Variants in SLC24A2 observed in about 807,000 individuals in gnomAD.
The protein encoded by SLC24A2 is sodium/potassium/calcium exchanger 2.
SLC24A2 carries 36 observed loss-of-function variants against 62.0 expected under a neutral mutation model. That is an observed-to-expected ratio of 0.58 (90% confidence interval 0.44 to 0.77). The LOEUF (loss-of-function observed/expected upper bound fraction) is 0.77, where lower values mean the gene tolerates loss of function less well. Ranked by LOEUF, SLC24A2 falls within the 30% of genes least tolerant of loss-of-function variation. The pLI, the probability that SLC24A2 is intolerant of heterozygous loss-of-function variation, is 0.00. For missense variants in SLC24A2, 846 were observed against 817.9 expected, an observed-to-expected ratio of 1.03 and a Z score of -0.42; for synonymous variants, 358 against 294.0, an observed-to-expected ratio of 1.22 and a Z score of -2.23.
chr9:20,215,905 T>G, the SLC24A2 span, among the ~76,000 whole-genome samples: 229 of 152,308 alleles, frequency 1.5e-3, 2 homozygotes, highest in African/African-American at 5.1e-3. Context: ...CGTCTCATGC[T>G]AGTTCCCAAT....
the SLC24A2 span, among the ~76,000 whole-genome samples, chr9:19,945,835 T>C: frequency 2.0e-5 from 3 of 152,210 alleles, no homozygotes; most frequent in African/African-American, 7.2e-5. Context: ...TTTATCCATA[T>C]ATCCCTCAGG....
In SLC24A2 at chr9:19,571,488, T is replaced by C. The variant is rs1367224737; in HGVS notation, c.1347+1863A>G. On this transcript the variant is annotated intron_variant, in intron 7 of 10. Coordinates refer to ENST00000341998, the MANE Select transcript of SLC24A2 (RefSeq NM_020344.4). Reference sequence around the variant, plus strand: ...AGGCACTGTATCACTTTTCAGCTCATTGGGGGAAGTTCTGTCTAGAGAGTG... The same window carrying C: ...AGGCACTGTATCACTTTTCAGCTCACTGGGGGAAGTTCTGTCTAGAGAGTG... Among the ~76,000 whole-genome samples, 4 of 152,036 alleles carry C rather than the reference T, an allele frequency of 2.6e-5. No individual in the cohort carries two copies. In the East Asian group the frequency reaches 5.8e-4, roughly 22 times the overall value.
chr9:20,205,025 G>A, the SLC24A2 span, among the ~76,000 whole-genome samples: 4 of 152,170 alleles, frequency 2.6e-5, no homozygotes, highest in South Asian at 2.1e-4. Context: ...GATTGCAGGC[G>A]TGAGCCACTG....
chr9:19,513,181 T>TAC lies in SLC24A2; in HGVS notation c.*2971_*2972insGT. ...ATATATATATATATATATATGTATA[T>TAC]ATATATATATGTATATATTTATATA... On this transcript the variant is annotated 3_prime_UTR_variant, in exon 11 of 11. Transcript: ENST00000341998. 1 of 136,298 alleles carries TAC rather than the reference T, an allele frequency of 7.3e-6. No individual in the cohort carries two copies. The highest frequency in any genetic ancestry group is 2.8e-5 in the African/African-American group (1 of 35,720). 8.4% of individuals were successfully genotyped at this position (136,298 alleles called of 1,614,324 possible).
intron 2 of SLC24A2, among the ~76,000 whole-genome samples, chr9:19,649,157 A>G (rs944071654): frequency 3.9e-5 from 6 of 152,200 alleles, no homozygotes; most frequent in African/African-American, 1.4e-4. Context: ...GCCAACTTGT[A>G]AAAACTGCAA....
At chr9:19,669,806 T>G (rs1441951005) in intron 2 of SLC24A2, among the ~76,000 whole-genome samples, 2 of 152,184 alleles carry the variant, frequency 1.3e-5, no homozygotes, top group Admixed American at 1.3e-4. Context: ...CATCTCAAGG[T>G]CAGCTGATTA....
chr9:19,832,435 T>C, the SLC24A2 span, among the ~76,000 whole-genome samples: 10,367 of 152,266 alleles, frequency 0.068, 521 homozygotes, highest in African/African-American at 0.14. Context: ...CCAAGTCATG[T>C]TGTGTAGACT....
chr9:20,073,813 T>A, the SLC24A2 span, among the ~76,000 whole-genome samples: 1 of 151,208 alleles, frequency 6.6e-6, no homozygotes, highest in Non-Finnish European at 1.5e-5. Context: ...TGTGTATGTA[T>A]ATGTGCATAA....
chr9:20,289,530 G>A, the SLC24A2 span, among the ~76,000 whole-genome samples: 4 of 152,112 alleles, frequency 2.6e-5, no homozygotes, highest in South Asian at 2.1e-4. Flanking sequence ...TCTGAGTCTC[G>A]GTTCTCTCAT....
the SLC24A2 span, among the ~76,000 whole-genome samples, chr9:20,085,241 C>T: frequency 1.3e-5 from 2 of 152,200 alleles, no homozygotes; most frequent in Non-Finnish European, 1.5e-5. Context: ...TCAAGCAATC[C>T]TCCTGCCTCA....
chr9:19,661,385 G>C (rs1028858526), intron 2 of SLC24A2, among the ~76,000 whole-genome samples: 2 of 152,064 alleles, frequency 1.3e-5, no homozygotes, highest in African/African-American at 4.8e-5. Context: ...TAAACTACTA[G>C]ATAAAGTCCC....
intron 2 of SLC24A2, among the ~76,000 whole-genome samples, chr9:19,684,782 A>C (rs1405311976): frequency 6.6e-6 from 1 of 152,036 alleles, no homozygotes; most frequent in African/African-American, 2.4e-5. Context: ...CAAATTCACT[A>C]TGTTTTGAGG....
chr9:19,542,736 A>G (rs191213479), intron 8 of SLC24A2, among the ~76,000 whole-genome samples: 5 of 152,310 alleles, frequency 3.3e-5, no homozygotes, highest in Middle Eastern at 3.4e-3. Flanking sequence ...GATGGATTAC[A>G]TTTATTGATT....
At chr9:19,947,380 G>A in the SLC24A2 span, among the ~76,000 whole-genome samples, 9 of 146,996 alleles carry the variant, frequency 6.1e-5, no homozygotes, top group East Asian at 1.8e-3. Flanking sequence ...AAGGAAGGAA[G>A]GAAGGAAGAA....
chr9:20,089,884 C>T, the SLC24A2 span, among the ~76,000 whole-genome samples: 9 of 152,076 alleles, frequency 5.9e-5, no homozygotes, highest in East Asian at 9.7e-4. Flanking sequence ...CCCCAACAAG[C>T]GCAACCCCAA....
At chr9:20,043,965 G>A in the SLC24A2 span, among the ~76,000 whole-genome samples, 1 of 152,156 alleles carries the variant, frequency 6.6e-6, no homozygotes, top group South Asian at 2.1e-4. Flanking sequence ...AATCAATGCA[G>A]CAAATTTCAT....
the SLC24A2 span, among the ~76,000 whole-genome samples, chr9:20,119,807 G>A: frequency 3.9e-5 from 6 of 152,316 alleles, no homozygotes; most frequent in African/African-American, 1.2e-4. Flanking sequence ...AAAGGAAGAA[G>A]TAAAACTGTG....
At chr9:19,918,114 T>A in the SLC24A2 span, among the ~76,000 whole-genome samples, 55 of 151,072 alleles carry the variant, frequency 3.6e-4, no homozygotes, top group African/African-American at 1.2e-3. Context: ...AATAATCATA[T>A]TTTTCTTCTT....
At chr9:20,043,495 G>A in the SLC24A2 span, among the ~76,000 whole-genome samples, 1 of 152,180 alleles carries the variant, frequency 6.6e-6, no homozygotes, top group South Asian at 2.1e-4. Flanking sequence ...CACTATTCTG[G>A]ATGCCATTAA....
Sources: gnomAD v4.1 joint callset for allele counts (sites outside exome capture counted in the v4.1 genomes callset) on GRCh38, gnomAD v4.1.1 for gene constraint, MANE v1.5 for transcripts, NCBI Gene and HGNC (gene_info 2026-07-23, HGNC 2026-07-21) for gene names.